HTRA4: variants seen among roughly 807,000 people sequenced by gnomAD.
HTRA4 encodes the protein serine protease HTRA4.
In HTRA4, 46 loss-of-function variants were observed where a neutral mutation model predicts 49.1. The ratio of observed to expected loss-of-function variants is 0.94; its 90% CI spans 0.74 to 1.20. HTRA4 has a LOEUF of 1.20. Among genes scored for constraint, HTRA4 ranks in the 50% most tolerant of loss-of-function variants. The pLI, the probability that HTRA4 is intolerant of heterozygous loss-of-function variation, is 0.00. For missense variants in HTRA4, 602 were observed against 636.9 expected (o/e 0.95, Z 0.59); for synonymous variants, 261 against 264.0 (o/e 0.99, Z 0.11).
chr8:38,984,475 C>T (rs541480414), intron 8 of HTRA4, among the ~76,000 whole-genome samples: 1 of 151,476 alleles, frequency 6.6e-6, no homozygotes, highest in Non-Finnish European at 1.5e-5. Context: ...GGCCAGGTGC[C>T]GTGACTCACG....
rs747418954 is a variant in HTRA4 at position 38,975,114 on chromosome 8, G to T, written c.550G>T (p.Val184Leu). 6.2e-7 allele frequency: 1 copy of T among 1,613,742 alleles called. No individual in the cohort carries two copies. The highest frequency in any genetic ancestry group is 1.1e-5 in the South Asian group (1 of 91,084). Residue 184 changes from valine to leucine, a missense_variant, in exon 2 of 9, where the codon GTG (valine) becomes TTG (leucine). Val to Leu is a conservative substitution (Grantham distance 32). Coordinates refer to ENST00000302495, the MANE Select transcript of HTRA4 (RefSeq NM_153692.4). ...GAAGGTGGCGCCATCGGTGGTTCAC[G>T]TGCAGCTGTGGGGCAGGTAAAGGAG... Reference protein sequence around the residue: ...VEKVAPSVVHVQLWGRLLHGS... With the variant: ...VEKVAPSVVHLQLWGRLLHGS...
chr8:38,980,305 T>C (rs901796370), intron 5 of HTRA4, among the ~76,000 whole-genome samples: 6 of 152,114 alleles, frequency 3.9e-5, no homozygotes, highest in Admixed American at 1.3e-4. Flanking sequence ...GCATTGCATG[T>C]CATTTTTCTT....
intron 5 of HTRA4, among the ~76,000 whole-genome samples, chr8:38,981,083 T>TTTTTC (rs1835416069): frequency 2.0e-5 from 1 of 51,264 alleles, no homozygotes; most frequent in African/African-American, 5.8e-5. Context: ...TTTTTTTTTT[T>TTTTTC]TTTTTTTTTT....
At chr8:38,983,152 C>A in intron 8 of HTRA4, 104 bp downstream of exon 8, 1 of 672,636 alleles carries the variant, frequency 1.5e-6, no homozygotes, top group Non-Finnish European at 2.6e-6. Flanking sequence ...ATACAGTGGC[C>A]ACTACTTACA....
chr8:38,986,140 AAG>A (rs1835480628), intron 8 of HTRA4, among the ~76,000 whole-genome samples: 1 of 152,156 alleles, frequency 6.6e-6, no homozygotes, highest in African/African-American at 2.4e-5. Context: ...CAGCCTGGGT[AAG>A]AGAGTGAGAA....
Position 38,987,878 on chromosome 8 carries a change from G to A in HTRA4, c.1269-58G>A, listed in dbSNP as rs1007444105. On this transcript the variant is annotated intron_variant, in intron 8 of 8. Transcript: ENST00000302495. ...GACAGAAATATTAAATTATAGATGG[G>A]GATAAGTAAAATTCTTGTTATAGTT... The A allele has an allele frequency of 3.5e-5, 49 of 1,414,618 alleles. No individual in the cohort carries two copies. The South Asian group carries it at 6.4e-4, about 18-fold the overall frequency. The allele number at this position is 1,414,618 out of a possible 1,614,324, so 87.6% of individuals were successfully genotyped here.
chr8:38,981,967 C>G lies in HTRA4; in HGVS notation c.1114+200C>G, dbSNP rs551953030. ...GGTTCAAGCGATTCTCCTGCCTCAG[C>G]CTTCCGAGTAGCTGGGACTACAGGC... On this transcript the variant is annotated intron_variant, in intron 6 of 8. Coordinates refer to ENST00000302495, the MANE Select transcript of HTRA4 (RefSeq NM_153692.4). Among the ~76,000 whole-genome samples, 17 of 152,238 alleles carry G rather than the reference C, an allele frequency of 1.1e-4. No individual in the cohort carries two copies. In the East Asian group the frequency reaches 2.3e-3, roughly 21 times the overall value.
At chr8:38,980,206 A>G (rs1835401183) in intron 5 of HTRA4, among the ~76,000 whole-genome samples, 2 of 151,936 alleles carry the variant, frequency 1.3e-5, no homozygotes, top group Middle Eastern at 3.2e-3. Context: ...GTCCCTTTGC[A>G]CTGATTGCTT....
intron 7 of HTRA4, 105 bp downstream of exon 7, chr8:38,982,660 C>A: frequency 9.6e-7 from 1 of 1,041,014 alleles, no homozygotes; most frequent in Non-Finnish European, 1.5e-6. Context: ...GCCAGGTACT[C>A]TTGTGACCAT....
chr8:38,974,816 C>T, intron 1 of HTRA4, 87 bp downstream of exon 1: 1 of 1,288,434 alleles, frequency 7.8e-7, no homozygotes, highest in African/African-American at 1.5e-5. Flanking sequence ...CCGCACAGTT[C>T]GCGCCTGGTC....
chr8:38,979,168 A>G (rs974968702), intron 4 of HTRA4, 47 bp from the exon 5 acceptor site: 2 of 1,509,578 alleles, frequency 1.3e-6, no homozygotes, highest in African/African-American at 2.7e-5. Context: ...ACAAGGGGGA[A>G]TGTATTCATT....
chr8:38,981,063 G>GTTTTTTTTTTTTTTTTTTTTTTTT (rs71216700), intron 5 of HTRA4, among the ~76,000 whole-genome samples: 1 of 48,144 alleles, frequency 2.1e-5, no homozygotes. Flanking sequence ...ATGAGCTTAA[G>GTTTTTTTTTTTTTTTTTTTTTTTT]TTTTTTTTTT....
chr8:38,983,501 G>A (rs1178898429), intron 8 of HTRA4, among the ~76,000 whole-genome samples: 2 of 152,000 alleles, frequency 1.3e-5, no homozygotes, highest in East Asian at 3.9e-4. Context: ...ACTCCAGTCT[G>A]GGCGACAGAG....
In HTRA4 at chr8:38,974,250, G is replaced by A. The variant is rs1211221839; in HGVS notation, c.-14G>A. 2.5e-6 allele frequency: 4 copies of A among 1,612,258 alleles called. No individual in the cohort carries two copies. The South Asian group carries it at 4.4e-5, about 18-fold the overall frequency. On this transcript the variant is annotated 5_prime_UTR_variant, in exon 1 of 9. Transcript: ENST00000302495. ...AGTAAAGTCACTGAAGAGTGGAAGCGAGGAAGGAACAGGATGATTAGACCT... is the reference window on the plus strand; with the variant it reads ...AGTAAAGTCACTGAAGAGTGGAAGCAAGGAAGGAACAGGATGATTAGACCT...
At chr8:38,979,116 G>A in intron 4 of HTRA4, 99 bp from the exon 5 acceptor site, 1 of 1,100,956 alleles carries the variant, frequency 9.1e-7, no homozygotes, top group Non-Finnish European at 1.4e-6. Flanking sequence ...GGAGCTTGGT[G>A]GGCTGCTTTT....
intron 2 of HTRA4, among the ~76,000 whole-genome samples, chr8:38,975,623 T>G (rs1318648119): frequency 6.6e-6 from 1 of 152,158 alleles, no homozygotes; most frequent in Non-Finnish European, 1.5e-5. Context: ...TTGCTCAGGC[T>G]GGTCTCGAAC....
rs200544083 is a variant in HTRA4 at position 38,981,722 on chromosome 8, C to T, written c.1069C>T (p.Arg357Ter). The T allele has an allele frequency of 5.0e-6, 8 of 1,612,908 alleles. No homozygotes were observed. In the South Asian group the frequency reaches 5.5e-5, roughly 11 times the overall value. ...AATCTCCTTTGCAATTCCTTCAGAT[C>T]GAGTTAGGCAGTTCTTGGCAGAATA... ...DGISFAIPSDRVRQFLAEYHE... is the reference protein window; with the variant it reads ...DGISFAIPSD The change falls in exon 6 of 9, where the codon CGA becomes TGA. Residue 357 changes from arginine (R) to a stop codon, truncating the protein, a stop_gained. Coordinates refer to ENST00000302495, the MANE Select transcript of HTRA4 (RefSeq NM_153692.4). LOFTEE classifies it high-confidence loss of function.
chr8:38,982,474 A>C, intron 6 of HTRA4, 24 bp from the exon 7 acceptor site: 1 of 1,606,686 alleles, frequency 6.2e-7, no homozygotes, highest in Non-Finnish European at 8.5e-7. Flanking sequence ...TTTTGTTGTA[A>C]CACATCATAA....
chr8:38,981,077 T>TTTTTTG (rs759195383), intron 5 of HTRA4, among the ~76,000 whole-genome samples: 8,325 of 104,842 alleles, frequency 0.079, 362 homozygotes, highest in Admixed American at 0.1. Context: ...TTTTTTTTTT[T>TTTTTTG]TTTTTTTTTT....
Sources: gnomAD v4.1 joint callset for allele counts (sites outside exome capture counted in the v4.1 genomes callset) on GRCh38, gnomAD v4.1.1 for gene constraint, MANE v1.5 for transcripts, NCBI Gene and HGNC (gene_info 2026-07-23, HGNC 2026-07-21) for gene names.